The following FBXO11 variants were observed in gnomAD, a reference collection of about 807,000 sequenced individuals.
The protein encoded by FBXO11 is F-box protein 11, also known as F-box only protein 11.
FBXO11 carries 13 observed loss-of-function variants against 117.0 expected under a neutral mutation model. The observed-to-expected ratio is 0.11, with a 90% confidence interval of 0.07 to 0.18. The LOEUF is 0.18. Among genes scored for constraint, FBXO11 ranks in the 10% least tolerant of loss-of-function variants. The pLI is 1.00. For synonymous variants in FBXO11, 490 were observed against 380.5 expected, an observed-to-expected ratio of 1.29 and a Z score of -3.35; for missense variants, 767 against 1,164.4, an observed-to-expected ratio of 0.66 and a Z score of 4.97.
At chr2:47,832,737 AT>A (rs1672287459) in intron 9 of FBXO11, 31 bp downstream of exon 9, 1 of 1,607,984 alleles carries the variant, frequency 6.2e-7, no homozygotes, top group Admixed American at 1.7e-5. Context: ...GTGACTCAAA[AT>A]TTTATTGTAA....
At chr2:47,883,405 C>G (rs1572900509) in intron 1 of FBXO11, 3 of 342,330 alleles carry the variant, frequency 8.8e-6, no homozygotes, top group Non-Finnish European at 1.2e-5. Flanking sequence ...CCTGTATCCC[C>G]TAATCTAACT....
chr2:47,809,150 TA>T lies in FBXO11; in HGVS notation c.2555+7del. 1 of 1,498,486 alleles carries T rather than the reference TA, an allele frequency of 6.7e-7. No homozygotes were observed. The highest frequency in any genetic ancestry group is 9.2e-7 in the Non-Finnish European group (1 of 1,091,864). 92.8% of individuals were successfully genotyped at this position (1,498,486 alleles called of 1,614,324 possible). ...TCTTTTCAGGACTCAAATATATTTC[TA>T]AGTTACCTGTAGAAATCATGCATGG... is the stretch of plus-strand genomic sequence containing the variant. On this transcript the variant is annotated splice_region_variant and intron_variant, in intron 21 of 22. Transcript: ENST00000403359.
intron 1 of FBXO11, among the ~76,000 whole-genome samples, chr2:47,855,908 T>C (rs554326118): frequency 1.9e-4 from 28 of 149,812 alleles, no homozygotes; most frequent in African/African-American, 5.6e-4. Context: ...TGGTAAGATA[T>C]AGATGAGCCT....
intron 1 of FBXO11, among the ~76,000 whole-genome samples, chr2:47,869,266 T>C (rs1206074950): frequency 1.3e-5 from 2 of 152,226 alleles, no homozygotes; most frequent in Non-Finnish European, 2.9e-5. Context: ...GTTTTAGTTC[T>C]AGGCTTTTAT....
chr2:47,897,701 CAAA>C (rs60982405), intron 1 of FBXO11, among the ~76,000 whole-genome samples: 21 of 103,100 alleles, frequency 2.0e-4, no homozygotes, highest in Non-Finnish European at 2.9e-4. Flanking sequence ...TGTCTTAAAC[CAAA>C]AAAAAAAAAA....
chr2:47,828,248 TG>T (rs1302480732), intron 11 of FBXO11, among the ~76,000 whole-genome samples: 1 of 152,250 alleles, frequency 6.6e-6, no homozygotes, highest in Non-Finnish European at 1.5e-5. Flanking sequence ...CCCGAAGTGC[TG>T]GGATTACAGG....
chr2:47,836,699 T>G (rs965888392), intron 4 of FBXO11, among the ~76,000 whole-genome samples: 1 of 152,194 alleles, frequency 6.6e-6, no homozygotes, highest in Non-Finnish European at 1.5e-5. Flanking sequence ...AGTTTCAATT[T>G]CCTTACAAAC....
At chr2:47,884,269 C>T (rs1428036310) in intron 1 of FBXO11, among the ~76,000 whole-genome samples, 1 of 152,102 alleles carries the variant, frequency 6.6e-6, no homozygotes, top group Non-Finnish European at 1.5e-5. Context: ...AAGCTGGTTC[C>T]TGTACATGTG....
In FBXO11 at chr2:47,885,768, A is replaced by G. The variant is rs146533029; in HGVS notation, c.232+19721T>C. Among the ~76,000 whole-genome samples, 268 of 152,292 alleles carry G rather than the reference A, an allele frequency of 1.8e-3. 1 individual carries two copies. Among genetic ancestry groups the G allele is most frequent in the African/African-American group, 6.1e-3 (253 of 41,562 alleles). ...CAACATAAAGTGAACCAAGAGACGA[A>G]AGGAGTATGACAACAAAGTAAAATT... On this transcript the variant is annotated intron_variant, in intron 1 of 22. Transcript: ENST00000403359.
intron 1 of FBXO11, chr2:47,883,458 CA>C (rs1439951213): frequency 5.0e-6 from 2 of 403,268 alleles, no homozygotes; most frequent in Non-Finnish European, 9.9e-6. Context: ...CACCAAAATG[CA>C]GATTTTTGTA....
chr2:47,808,750 T>TCAAA (rs553703717), intron 21 of FBXO11: 51 of 303,604 alleles, frequency 1.7e-4, no homozygotes, highest in Admixed American at 1.2e-3. Flanking sequence ...CTGGGATATA[T>TCAAA]CAAACACTTA....
intron 11 of FBXO11, among the ~76,000 whole-genome samples, chr2:47,828,562 T>C (rs561778680): frequency 2.6e-5 from 4 of 151,552 alleles, no homozygotes; most frequent in East Asian, 3.9e-4. Flanking sequence ...TGAGCCGCGA[T>C]TGCACCACTG....
chr2:47,807,709 A>G lies in FBXO11; in HGVS notation c.*409T>C, dbSNP rs1336431863. On this transcript the variant is annotated 3_prime_UTR_variant, in exon 23 of 23. Transcript: ENST00000403359. ...AAGGAACGCAGAAGTGCTAGCTCAC[A>G]TTTTTACCATATTACAAAAGCAATT... is the stretch of plus-strand genomic sequence containing the variant. 4.2e-6 allele frequency: 1 copy of G among 235,768 alleles called. No individual in the cohort carries two copies. The highest frequency in any genetic ancestry group is 8.4e-6 in the Non-Finnish European group (1 of 118,848). The allele number at this position is 235,768 out of a possible 1,614,324, so 14.6% of individuals were successfully genotyped here.
At chr2:47,900,870 ACACGTG>A (rs1678177464) in intron 1 of FBXO11, among the ~76,000 whole-genome samples, 1 of 141,788 alleles carries the variant, frequency 7.1e-6, no homozygotes, top group African/African-American at 2.7e-5. Flanking sequence ...GTATACACAC[ACACGTG>A]TATATATATA....
chr2:47,864,209 AAAGCATTTATT>A (rs1675014068), intron 1 of FBXO11, among the ~76,000 whole-genome samples: 1 of 152,230 alleles, frequency 6.6e-6, no homozygotes, highest in African/African-American at 2.4e-5. Context: ...TAAATATAAA[AAAGCATTTATT>A]AAGTACTCAC....
intron 18 of FBXO11, among the ~76,000 whole-genome samples, chr2:47,812,432 T>TC (rs1325761865): frequency 2.6e-5 from 4 of 152,230 alleles, no homozygotes; most frequent in Non-Finnish European, 4.4e-5. Context: ...GTGAACCATT[T>TC]CTCAACACCT....
chr2:47,905,581 G>T lies in FBXO11; in HGVS notation c.140C>A (p.Pro47Gln). 1 of 1,258,026 alleles carries T rather than the reference G, an allele frequency of 7.9e-7. No individual in the cohort carries two copies. The highest frequency in any genetic ancestry group is 1.6e-5 in the African/African-American group (1 of 63,888). The allele number at this position is 1,258,026 out of a possible 1,614,324, so 77.9% of individuals were successfully genotyped here. ...QQQPPQQQPP[P>Q]PPQQQQQQQP... ...CTGCTGCTGCTGCTGCTGCGGCGGCGGCGGAGGCTGCTGCTGGGGCGGCTG... is the reference window on the plus strand; with the variant it reads ...CTGCTGCTGCTGCTGCTGCGGCGGCTGCGGAGGCTGCTGCTGGGGCGGCTG... The change falls in exon 1 of 23, where the codon CCG (proline) becomes CAG (glutamine). Residue 47 changes from proline to glutamine, a missense_variant. Physicochemically the swap from Pro to Gln is moderately conservative, Grantham distance 76. This residue lies in a region of FBXO11 where 355 missense variants were observed against 299.8 expected (regional missense o/e 1.18). Transcript: ENST00000403359.
At chr2:47,840,853 TA>T (rs544206772) in intron 1 of FBXO11, among the ~76,000 whole-genome samples, 11,258 of 136,734 alleles carry the variant, frequency 0.082, 557 homozygotes, top group Non-Finnish European at 0.12. Context: ...CTTTAAAAAT[TA>T]AAAAAAAAAA....
intron 1 of FBXO11, among the ~76,000 whole-genome samples, chr2:47,859,610 A>G (rs1260881940): frequency 3.9e-5 from 6 of 152,108 alleles, no homozygotes; most frequent in African/African-American, 1.4e-4. Context: ...CTGAAGCTTT[A>G]CTCTTGTCTT....
Sources: allele counts gnomAD v4.1 joint callset (sites outside exome capture counted in the v4.1 genomes callset), GRCh38; gene constraint gnomAD v4.1.1; regional missense constraint gnomAD v4.1.1; transcripts MANE v1.5; gene names NCBI Gene and HGNC (gene_info 2026-07-23, HGNC 2026-07-21).